BNC2: variants seen among roughly 807,000 people sequenced by gnomAD.
BNC2 encodes zinc finger protein basonuclin-2.
Under a neutral mutation model 76.3 loss-of-function variants are expected in BNC2, and 20 were observed. That is an observed-to-expected ratio of 0.26 (90% confidence interval 0.18 to 0.38). The LOEUF is 0.38. Among genes scored for constraint, BNC2 ranks in the 10% least tolerant of loss-of-function variants. The pLI is 1.00. For synonymous variants in BNC2, 582 were observed against 514.8 expected, an observed-to-expected ratio of 1.13 and a Z score of -1.77; for missense variants, 1,382 against 1,399.8, an observed-to-expected ratio of 0.99 and a Z score of 0.20.
chr9:16,740,918 A>C (rs1824829443), intron 1 of BNC2, among the ~76,000 whole-genome samples: 1 of 152,214 alleles, frequency 6.6e-6, no homozygotes. Flanking sequence ...TCTGTGGTTA[A>C]GAAATACATA....
chr9:16,619,947 T>C (rs1820818069), intron 3 of BNC2, among the ~76,000 whole-genome samples: 1 of 152,202 alleles, frequency 6.6e-6, no homozygotes, highest in Non-Finnish European at 1.5e-5. Flanking sequence ...ATGCTTTCAG[T>C]GGACATACAA....
intron 1 of BNC2, among the ~76,000 whole-genome samples, chr9:16,821,199 A>G (rs909323476): frequency 2.0e-5 from 3 of 151,318 alleles, no homozygotes; most frequent in Non-Finnish European, 4.4e-5. Flanking sequence ...CGCCATTGCA[A>G]TACGGCCTGG....
At chr9:16,861,181 A>AACATATATATATATAT (rs1287136917) in intron 1 of BNC2, among the ~76,000 whole-genome samples, 2 of 131,698 alleles carry the variant, frequency 1.5e-5, no homozygotes, top group African/African-American at 6.2e-5. Flanking sequence ...ATCTCTACAA[A>AACATATATATATATAT]ATATATATAT....
intron 1 of BNC2, among the ~76,000 whole-genome samples, chr9:16,744,874 T>G (rs1419299378): frequency 6.6e-6 from 1 of 152,228 alleles, no homozygotes; most frequent in Non-Finnish European, 1.5e-5. Flanking sequence ...TGCAAACATA[T>G]GTACATGAAT....
rs542711914 is a variant in BNC2, at chr9:16,715,247, T to C, written c.330+12550A>G. 1.3e-3 allele frequency among the ~76,000 whole-genome samples: 200 copies of C among 152,348 alleles called. 1 individual carries two copies. Among genetic ancestry groups the C allele is most frequent in the African/African-American group, 4.7e-3 (197 of 41,584 alleles). On this transcript the variant is annotated intron_variant, in intron 3 of 6. Coordinates refer to ENST00000380672, the MANE Select transcript of BNC2 (RefSeq NM_017637.6). ...ATGCTTCTACCTTTATTTAAATTATTTGACTATTTTTTTGTTTTGCCCACA... is the reference window on the plus strand; with the variant it reads ...ATGCTTCTACCTTTATTTAAATTATCTGACTATTTTTTTGTTTTGCCCACA...
chr9:16,419,829 T>C lies in BNC2; in HGVS notation c.2640-180A>G, dbSNP rs529379194. 2.0e-5 allele frequency among the ~76,000 whole-genome samples: 3 copies of C among 152,200 alleles called. No individual in the cohort carries two copies. The East Asian group carries it at 5.8e-4, about 29-fold the overall frequency. On this transcript the variant is annotated intron_variant, in intron 6 of 6. Transcript: ENST00000380672. ...ATCCTCAGGATCTGGGAGTTAGTGG[T>C]GGTGGTGAGAGGTGCAATCAGGGGA... is the stretch of plus-strand genomic sequence containing the variant.
chr9:16,793,126 A>T (rs2135681227), intron 1 of BNC2, among the ~76,000 whole-genome samples: 1 of 152,368 alleles, frequency 6.6e-6, no homozygotes, highest in Admixed American at 6.5e-5. Context: ...GATTGTCAAC[A>T]AAGTCAGACA....
At chr9:16,434,385 T>A (rs1049888631) in intron 6 of BNC2, among the ~76,000 whole-genome samples, 1 of 152,232 alleles carries the variant, frequency 6.6e-6, no homozygotes, top group Non-Finnish European at 1.5e-5. Flanking sequence ...GAATTACTGC[T>A]TACTATTGGT....
intron 1 of BNC2, among the ~76,000 whole-genome samples, chr9:16,861,597 A>G (rs527275102): frequency 6.6e-6 from 1 of 152,338 alleles, no homozygotes; most frequent in Admixed American, 6.5e-5. Flanking sequence ...CATCAGGCAA[A>G]TGCAAATCAA....
intron 3 of BNC2, among the ~76,000 whole-genome samples, chr9:16,621,672 T>G (rs1246368439): frequency 6.6e-6 from 1 of 152,146 alleles, no homozygotes; most frequent in Non-Finnish European, 1.5e-5. Context: ...AAAATTGGAC[T>G]GGTGTCTAGA....
At chr9:16,791,354 C>T (rs934119807) in intron 1 of BNC2, among the ~76,000 whole-genome samples, 1 of 152,152 alleles carries the variant, frequency 6.6e-6, no homozygotes, top group African/African-American at 2.4e-5. Context: ...AGCCACCGCG[C>T]CCGGCCACAA....
chr9:16,641,909 T>C (rs1821501810), intron 3 of BNC2, among the ~76,000 whole-genome samples: 1 of 152,216 alleles, frequency 6.6e-6, no homozygotes, highest in African/African-American at 2.4e-5. Context: ...TGCTATTTAA[T>C]GGAATGGCCA....
chr9:16,566,029 C>T (rs1298671662), intron 4 of BNC2, among the ~76,000 whole-genome samples: 4 of 152,236 alleles, frequency 2.6e-5, no homozygotes, highest in African/African-American at 4.8e-5. Flanking sequence ...TTACTTTCAA[C>T]GCTGTTCAAG....
intron 1 of BNC2, among the ~76,000 whole-genome samples, chr9:16,827,940 T>C (rs1818491315): frequency 1.3e-5 from 2 of 152,348 alleles, no homozygotes; most frequent in Middle Eastern, 6.8e-3. Context: ...GTATTCTTCA[T>C]AAAGTGATCA....
intron 5 of BNC2, among the ~76,000 whole-genome samples, chr9:16,487,119 C>T (rs1822181253): frequency 7.9e-5 from 12 of 152,210 alleles, no homozygotes; most frequent in Admixed American, 7.9e-4. Flanking sequence ...ACTCAAGTTA[C>T]CTGTTTGCCT....
intron 1 of BNC2, among the ~76,000 whole-genome samples, chr9:16,812,550 G>GC (rs1190949141): frequency 2.6e-5 from 4 of 152,146 alleles, no homozygotes; most frequent in Non-Finnish European, 1.5e-5. Flanking sequence ...TGCAATTGAG[G>GC]CTTTTGTTTT....
In BNC2 at chr9:16,419,157, G is replaced by A. The variant is rs1820654569; in HGVS notation, c.3132C>T (p.Tyr1044=). ...GCACTCTCAGGGTCCCCTTGTTGCT[G>A]TACATTTTGTGGCAAATGTTGCACA... is the stretch of plus-strand genomic sequence containing the variant. The part of the protein sequence containing the change: ...GIMCNICHKM[Y]SNKGTLRVHY... The change falls in exon 7 of 7, where the codon TAC becomes TAT. Residue 1044 remains tyrosine, a synonymous_variant. Transcript: ENST00000380672. 6.2e-7 allele frequency: 1 copy of A among 1,614,054 alleles called. No individual in the cohort carries two copies. The highest frequency in any genetic ancestry group is 1.3e-5 in the African/African-American group (1 of 74,918).
chr9:16,658,645 T>C (rs1822003679), intron 3 of BNC2, among the ~76,000 whole-genome samples: 1 of 152,208 alleles, frequency 6.6e-6, no homozygotes, highest in Non-Finnish European at 1.5e-5. Flanking sequence ...TCATAGGTCT[T>C]ATAAGCATGT....
intron 3 of BNC2, among the ~76,000 whole-genome samples, chr9:16,708,130 A>C (rs753348805): frequency 5.9e-5 from 9 of 152,200 alleles, no homozygotes; most frequent in Non-Finnish European, 1.3e-4. Flanking sequence ...AGTTCACTGA[A>C]ATTCAAAAAG....
Sources: gnomAD v4.1 joint callset for allele counts (sites outside exome capture counted in the v4.1 genomes callset) on GRCh38, gnomAD v4.1.1 for gene constraint, MANE v1.5 for transcripts, NCBI Gene and HGNC (gene_info 2026-07-23, HGNC 2026-07-21) for gene names.